The following DENND3 variants were observed in gnomAD, a reference collection of about 807,000 sequenced individuals.
DENND3 encodes the protein DENN domain-containing protein 3.
DENND3 carries 88 observed loss-of-function variants against 135.1 expected under a neutral mutation model. That is an observed-to-expected ratio of 0.65 (90% confidence interval 0.55 to 0.78). The LOEUF is 0.78. Ranked by LOEUF, DENND3 falls within the 30% of genes least tolerant of loss-of-function variation. DENND3 has a pLI of 0.00. For missense variants in DENND3, 1,392 were observed against 1,688.4 expected, an observed-to-expected ratio of 0.82 and a Z score of 3.08; for synonymous variants, 693 against 712.3, an observed-to-expected ratio of 0.97 and a Z score of 0.43.
At chr8:141,179,270 C>T (rs1401511138) in intron 16 of DENND3, among the ~76,000 whole-genome samples, 1 of 152,242 alleles carries the variant, frequency 6.6e-6, no homozygotes, top group African/African-American at 2.4e-5. Context: ...TTTTGTCTGA[C>T]AGTCCTGGAA....
At chr8:141,161,868 T>C (rs543826220) in intron 9 of DENND3, among the ~76,000 whole-genome samples, 2 of 150,496 alleles carry the variant, frequency 1.3e-5, no homozygotes, top group Non-Finnish European at 3.0e-5. Context: ...TGACGCCATC[T>C]GGGCTCACTG....
chr8:141,131,851 G>A (rs1816137947), intron 1 of DENND3, among the ~76,000 whole-genome samples: 1 of 152,048 alleles, frequency 6.6e-6, no homozygotes, highest in Non-Finnish European at 1.5e-5. Context: ...ACCTCCTGCA[G>A]CAGACTGGCA....
At position 141,138,007 on chromosome 8, in the gene DENND3, T is replaced by C; in HGVS notation, c.386-15T>C. The C allele has an allele frequency of 6.3e-7, 1 of 1,579,376 alleles. No homozygotes were observed. Among genetic ancestry groups the C allele is most frequent in the Non-Finnish European group, 8.6e-7 (1 of 1,160,952 alleles). ...GGCAAGAACAGGATTCTTCTCTGTC[T>C]CTTTCTGCCTGCAGGGGGTGTGTGC... On this transcript the variant is annotated splice_polypyrimidine_tract_variant and intron_variant, in intron 2 of 22. Transcript: ENST00000519811. This position sits in a 1 kb window ranked among gnomAD's most constrained non-coding sequence, Gnocchi z 4.8.
intron 13 of DENND3, among the ~76,000 whole-genome samples, chr8:141,170,420 T>C (rs1452922468): frequency 6.6e-6 from 1 of 152,156 alleles, no homozygotes; most frequent in Non-Finnish European, 1.5e-5. Flanking sequence ...TGTGTGTATA[T>C]GTGTGCGAGT....
intron 15 of DENND3, 33 bp from the exon 16 acceptor site, chr8:141,178,034 T>TG (rs1822618287): frequency 1.3e-6 from 2 of 1,581,794 alleles, no homozygotes; most frequent in African/African-American, 2.7e-5. Flanking sequence ...TAGTGATTCT[T>TG]GCTGTTTTGA....
rs2154612731 is a variant in DENND3 at position 141,138,431 on chromosome 8, G to C, written c.501+294G>C. ...GATGGAGTCTTGCTCTGTCATCCAG[G>C]CTGGAGTGCAGTGGCACCATCTCAG... On this transcript the variant is annotated intron_variant, in intron 3 of 22. Transcript: ENST00000519811. The surrounding 1 kb of genome is among the most constrained non-coding windows in gnomAD (Gnocchi z 4.8). Among the ~76,000 whole-genome samples, 1 of 151,936 alleles carries C rather than the reference G, an allele frequency of 6.6e-6. No individual in the cohort carries two copies. The highest frequency in any genetic ancestry group is 2.4e-5 in the African/African-American group (1 of 41,420).
intron 16 of DENND3, among the ~76,000 whole-genome samples, chr8:141,180,256 C>T (rs1023942439): frequency 3.9e-5 from 6 of 152,200 alleles, no homozygotes; most frequent in Admixed American, 2.0e-4. Flanking sequence ...GCTGGGCATT[C>T]GCCCACAGCC....
In DENND3 at chr8:141,190,425, C is replaced by G. The variant is rs764382848; in HGVS notation, c.3379+8C>G. ...GCGGCCGCCTGTGGTGCTGTAAGTC[C>G]GGCCCCTGCCATCAGAGCGGGCACC... On this transcript the variant is annotated splice_region_variant and intron_variant, in intron 20 of 22. Transcript: ENST00000519811. The G allele has an allele frequency of 6.2e-7, 1 of 1,602,826 alleles. No individual in the cohort carries two copies. Among genetic ancestry groups the G allele is most frequent in the Admixed American group, 1.7e-5 (1 of 59,002 alleles).
intron 17 of DENND3, among the ~76,000 whole-genome samples, chr8:141,181,406 A>G (rs565000250): frequency 2.6e-5 from 4 of 152,352 alleles, no homozygotes; most frequent in Non-Finnish European, 5.9e-5. Flanking sequence ...CATGGTGATA[A>G]GGTGATGGCG....
chr8:141,191,061 A>G (rs1824685659), intron 20 of DENND3, among the ~76,000 whole-genome samples: 1 of 152,270 alleles, frequency 6.6e-6, no homozygotes, highest in African/African-American at 2.4e-5. Context: ...CGTGTTTCAC[A>G]TATAGTAAAG....
chr8:141,154,939 G>A lies in DENND3; in HGVS notation c.1075-910G>A, dbSNP rs1819265172. On this transcript the variant is annotated intron_variant, in intron 7 of 22. Transcript: ENST00000519811. This position sits in a 1 kb window ranked among gnomAD's most constrained non-coding sequence, Gnocchi z 4.4. ...GTCTTTCCAAATAATGGACTATTCA[G>A]GCTGAAGAAGCAAGGATGTTCTGAC... is the stretch of plus-strand genomic sequence containing the variant. Among the ~76,000 whole-genome samples the A allele has an allele frequency of 6.6e-6, 1 of 152,204 alleles. No individual in the cohort carries two copies. The highest frequency in any genetic ancestry group is 1.5e-5 in the Non-Finnish European group (1 of 68,030).
At chr8:141,185,380 C>T in intron 18 of DENND3, 102 bp downstream of exon 18, 2 of 1,459,566 alleles carry the variant, frequency 1.4e-6, no homozygotes, top group Non-Finnish European at 1.9e-6. Context: ...AGCTATTCCA[C>T]AGCCTCACTC....
chr8:141,170,309 C>T (rs941752310), intron 13 of DENND3, among the ~76,000 whole-genome samples: 1 of 152,118 alleles, frequency 6.6e-6, no homozygotes, highest in Non-Finnish European at 1.5e-5. Flanking sequence ...AATGCAGTTT[C>T]CTTGCTTATC....
chr8:141,144,151 A>G lies in DENND3; in HGVS notation c.627A>G (p.Leu209=), dbSNP rs779195618. ...YNSLKDCLSC[L]LALLKPCKDF... ...AGTTTTGTGTTTCGAATTTCAGTTT[A>G]TTGGCTCTTCTGAAGCCCTGTAAAG... The change falls in exon 5 of 23, where the codon TTA becomes TTG. Residue 209 remains leucine, a synonymous_variant. Coordinates refer to ENST00000519811, the MANE Select transcript of DENND3 (RefSeq NM_001352890.3). The surrounding 1 kb of genome is among the most constrained non-coding windows in gnomAD (Gnocchi z 4.4). 3.0e-5 allele frequency: 48 copies of G among 1,604,850 alleles called. No individual in the cohort carries two copies. The highest frequency in any genetic ancestry group is 3.7e-5 in the Non-Finnish European group (44 of 1,177,870).
intron 1 of DENND3, among the ~76,000 whole-genome samples, chr8:141,134,434 T>C (rs2154612671): frequency 6.6e-6 from 1 of 151,852 alleles, no homozygotes; most frequent in South Asian, 2.1e-4. Flanking sequence ...TAGCTGGGAC[T>C]ACAGGCGCCC....
intron 8 of DENND3, 107 bp from the exon 9 acceptor site, chr8:141,160,525 G>A (rs1820007903): frequency 2.3e-6 from 3 of 1,283,898 alleles, no homozygotes; most frequent in South Asian, 4.3e-5. Context: ...ATTATTGATC[G>A]GTATTTGTGT....
intron 13 of DENND3, among the ~76,000 whole-genome samples, chr8:141,172,649 A>T (rs915496252): frequency 2.0e-5 from 3 of 151,958 alleles, no homozygotes; most frequent in Non-Finnish European, 2.9e-5. Flanking sequence ...TCGCCGATTC[A>T]CTCTCACTTG....
intron 9 of DENND3, among the ~76,000 whole-genome samples, chr8:141,161,737 A>G (rs1431421761): frequency 6.6e-6 from 1 of 151,298 alleles, no homozygotes; most frequent in Non-Finnish European, 1.5e-5. Flanking sequence ...GGTGGTTAGC[A>G]CAGAGCCTGC....
intron 8 of DENND3, among the ~76,000 whole-genome samples, chr8:141,159,168 G>C (rs1819817846): frequency 6.6e-6 from 1 of 152,212 alleles, no homozygotes; most frequent in Non-Finnish European, 1.5e-5. Context: ...AGAGAACCCT[G>C]GTCCTGGCCC....
Sources: allele counts gnomAD v4.1 joint callset (sites outside exome capture counted in the v4.1 genomes callset), GRCh38; gene constraint gnomAD v4.1.1; non-coding constraint Gnocchi (gnomAD v3.1); transcripts MANE v1.5; gene names NCBI Gene and HGNC (gene_info 2026-07-23, HGNC 2026-07-21).